Variants in GNG12 observed in about 807,000 individuals in gnomAD.
GNG12 encodes G protein subunit gamma 12.
For missense variants in GNG12, 69 were observed against 83.8 expected, an observed-to-expected ratio of 0.82 and a Z score of 0.69; for synonymous variants, 28 against 29.7, an observed-to-expected ratio of 0.94 and a Z score of 0.19.
intron 2 of GNG12, among the ~76,000 whole-genome samples, chr1:67,731,797 G>T (rs1646421599): frequency 6.6e-6 from 1 of 152,168 alleles, no homozygotes; most frequent in African/African-American, 2.4e-5. Flanking sequence ...CTCCTTCGAG[G>T]GTGTAAAATG....
At chr1:67,769,905 C>T (rs753866405) in intron 2 of GNG12, among the ~76,000 whole-genome samples, 7 of 152,148 alleles carry the variant, frequency 4.6e-5, no homozygotes, top group Non-Finnish European at 1.0e-4. Flanking sequence ...AGGTTTGGCT[C>T]AGAGGGAGCA....
intron 1 of GNG12, among the ~76,000 whole-genome samples, chr1:67,828,178 C>T (rs1349547337): frequency 2.6e-5 from 4 of 152,142 alleles, no homozygotes; most frequent in South Asian, 4.1e-4. Flanking sequence ...CCTTTGTGTG[C>T]GCTTCAGGCC....
chr1:67,790,833 C>T (rs923191771), intron 1 of GNG12, among the ~76,000 whole-genome samples: 16 of 152,016 alleles, frequency 1.1e-4, no homozygotes, highest in South Asian at 4.1e-4. Context: ...TCAGGCTGAT[C>T]TCCAACTCCT....
At chr1:67,743,995 T>TTG (rs1646495834) in intron 2 of GNG12, among the ~76,000 whole-genome samples, 1 of 152,130 alleles carries the variant, frequency 6.6e-6, no homozygotes. Flanking sequence ...GAGTGAGTTT[T>TTG]TGTGTGTGTG....
intron 1 of GNG12, among the ~76,000 whole-genome samples, chr1:67,778,090 GTATAT>G (rs1368382161): frequency 6.7e-6 from 1 of 148,328 alleles, no homozygotes; most frequent in Non-Finnish European, 1.5e-5. Context: ...ATATAATTAT[GTATAT>G]TATATATTAA....
chr1:67,773,939 A>T (rs948127490), intron 2 of GNG12, among the ~76,000 whole-genome samples: 1 of 152,194 alleles, frequency 6.6e-6, no homozygotes, highest in East Asian at 1.9e-4. Context: ...ACTAAGCAAG[A>T]CCAACAGAGA....
intron 1 of GNG12, among the ~76,000 whole-genome samples, chr1:67,795,034 G>T (rs144701676): frequency 2.0e-5 from 3 of 152,242 alleles, no homozygotes; most frequent in African/African-American, 7.2e-5. Flanking sequence ...AGGGGTACAG[G>T]GTTTCAATGT....
intron 1 of GNG12, among the ~76,000 whole-genome samples, chr1:67,782,914 A>G (rs1189720868): frequency 6.6e-6 from 1 of 152,136 alleles, no homozygotes. Context: ...TACTATGGCC[A>G]TAGTTTATAT....
At chr1:67,773,363 C>T (rs544557617) in intron 2 of GNG12, among the ~76,000 whole-genome samples, 36 of 152,310 alleles carry the variant, frequency 2.4e-4, no homozygotes, top group Non-Finnish European at 4.4e-4. Flanking sequence ...CTTGATCCTG[C>T]ACTCCTGCTC....
Position 67,738,597 on chromosome 1 carries a change from T to C in GNG12, c.-26-30885A>G, listed in dbSNP as rs572436544. Among the ~76,000 whole-genome samples, 10 of 152,318 alleles carry C rather than the reference T, an allele frequency of 6.6e-5. No homozygotes were observed. The South Asian group carries it at 2.1e-3, about 32-fold the overall frequency. Reference sequence around the variant, plus strand: ...TAAAATGCATCTCAAAGTTTACACGTGTAGGCCAGGCATGGTAGCTCACAC... The same window carrying C: ...TAAAATGCATCTCAAAGTTTACACGCGTAGGCCAGGCATGGTAGCTCACAC... On this transcript the variant is annotated intron_variant, in intron 2 of 3. Transcript: ENST00000370982.
At chr1:67,821,238 T>C (rs1037278675) in intron 1 of GNG12, among the ~76,000 whole-genome samples, 22 of 152,158 alleles carry the variant, frequency 1.4e-4, no homozygotes, top group African/African-American at 3.1e-4. Flanking sequence ...GACCTTAATA[T>C]ATGGAGAGTA....
At chr1:67,762,233 C>G (rs570507851) in intron 2 of GNG12, among the ~76,000 whole-genome samples, 11 of 152,300 alleles carry the variant, frequency 7.2e-5, no homozygotes, top group Non-Finnish European at 1.3e-4. Context: ...CAGTACCTAA[C>G]ACAAGATTGT....
intron 1 of GNG12, among the ~76,000 whole-genome samples, chr1:67,782,648 C>T (rs1364977268): frequency 1.3e-5 from 2 of 151,960 alleles, no homozygotes; most frequent in Admixed American, 1.3e-4. Context: ...TCTGATAATG[C>T]CAAAGACAGT....
intron 2 of GNG12, among the ~76,000 whole-genome samples, chr1:67,747,380 G>C (rs1431715244): frequency 1.3e-5 from 2 of 152,132 alleles, no homozygotes; most frequent in Non-Finnish European, 2.9e-5. Flanking sequence ...TCAGCCTCTG[G>C]AAGTGCTGGG....
In GNG12 at chr1:67,824,149, AT is replaced by A. The variant is rs371829951; in HGVS notation, c.-77+9194del. Among the ~76,000 whole-genome samples the A allele has an allele frequency of 2.4e-4, 37 of 152,252 alleles. No individual in the cohort carries two copies. In the East Asian group the frequency reaches 5.0e-3, roughly 21 times the overall value. On this transcript the variant is annotated intron_variant, in intron 1 of 3. Transcript: ENST00000370982. Reference sequence around the variant, plus strand: ...TGCAGAGAATATGGGAAAGGCATGGATGGGGATAAGATGGGAGCAAGGTTTT... The same window carrying A: ...TGCAGAGAATATGGGAAAGGCATGGAGGGGATAAGATGGGAGCAAGGTTTT...
Position 67,829,048 on chromosome 1 carries a change from AT to A in GNG12, c.-77+4295del, listed in dbSNP as rs1647027396. ...AATAAACCAGATTTGTTTAGTAACT[AT>A]TACACAAATGAATTATATTTTAGTA... On this transcript the variant is annotated intron_variant, in intron 1 of 3. Transcript: ENST00000370982. Among the ~76,000 whole-genome samples the A allele has an allele frequency of 2.6e-5, 4 of 152,350 alleles. No homozygotes were observed. The South Asian group carries it at 8.3e-4, about 32-fold the overall frequency.
chr1:67,808,782 T>C (rs2100806204), intron 1 of GNG12, among the ~76,000 whole-genome samples: 1 of 152,260 alleles, frequency 6.6e-6, no homozygotes, highest in South Asian at 2.1e-4. Flanking sequence ...AAAATGCTGA[T>C]GAAATATATC....
intron 2 of GNG12, among the ~76,000 whole-genome samples, chr1:67,716,033 G>A (rs192099242): frequency 6.6e-5 from 10 of 152,266 alleles, no homozygotes; most frequent in East Asian, 5.8e-4. Flanking sequence ...GCCCTGGTCT[G>A]GCATAGTTAT....
intron 2 of GNG12, among the ~76,000 whole-genome samples, chr1:67,759,220 T>C (rs547361840): frequency 6.6e-6 from 1 of 152,324 alleles, no homozygotes; most frequent in South Asian, 2.1e-4. Context: ...TGGAACAGCA[T>C]ATACATCCCA....
Sources: allele counts gnomAD v4.1 joint callset (sites outside exome capture counted in the v4.1 genomes callset), GRCh38; gene constraint gnomAD v4.1.1; transcripts MANE v1.5; gene names NCBI Gene and HGNC (gene_info 2026-07-23, HGNC 2026-07-21).